The following RABGAP1 variants were observed in gnomAD, a reference collection of about 807,000 sequenced individuals.
RABGAP1 encodes the protein rab GTPase-activating protein 1.
Under a neutral mutation model 137.6 loss-of-function variants are expected in RABGAP1, and 23 were observed. The observed-to-expected ratio is 0.17, with a 90% confidence interval of 0.12 to 0.24. RABGAP1 has a LOEUF of 0.24. Ranked by LOEUF, RABGAP1 falls within the 10% of genes least tolerant of loss-of-function variation. The pLI is 1.00. For missense variants in RABGAP1, 906 were observed against 1,275.8 expected (o/e 0.71, Z 4.42); for synonymous variants, 451 against 450.7 (o/e 1.00, Z -0.01).
Position 123,074,177 on chromosome 9 carries a change from A to G in RABGAP1, c.2110-108A>G, listed in dbSNP as rs977117129. The G allele has an allele frequency of 6.0e-6, 8 of 1,342,994 alleles. No homozygotes were observed. The Admixed American group carries it at 8.9e-5, about 15-fold the overall frequency. The allele number at this position is 1,342,994 out of a possible 1,614,324, so 83.2% of individuals were successfully genotyped here. ...AAGCACTTTGGAGATTTTTAGAAAA[A>G]CACAAGTATTTTACTTTTTTGGCCT... On this transcript the variant is annotated intron_variant, in intron 16 of 25. Transcript: ENST00000373647.
intron 20 of RABGAP1, among the ~76,000 whole-genome samples, 185 bp downstream of exon 20, chr9:123,090,035 C>T (rs1174477429): frequency 6.6e-6 from 1 of 152,184 alleles, no homozygotes; most frequent in Non-Finnish European, 1.5e-5. Context: ...TGTTACAGTT[C>T]AGTGGCTTTT....
chr9:123,097,209 G>C (rs1246497349), intron 21 of RABGAP1, among the ~76,000 whole-genome samples: 1 of 152,196 alleles, frequency 6.6e-6, no homozygotes, highest in African/African-American at 2.4e-5. Flanking sequence ...GACTGGAGTG[G>C]AGAGTGGCCA....
At chr9:123,064,132 A>G (rs2034087944) in intron 13 of RABGAP1, among the ~76,000 whole-genome samples, 2 of 152,246 alleles carry the variant, frequency 1.3e-5, no homozygotes, top group Non-Finnish European at 2.9e-5. Flanking sequence ...ACTTTTGAAG[A>G]TACCTCCAAC....
chr9:123,100,385 G>GTA (rs1401702522), intron 24 of RABGAP1, among the ~76,000 whole-genome samples: 2 of 4,310 alleles, frequency 4.6e-4, no homozygotes, highest in East Asian at 1.9e-3. Context: ...TTAACCAGAT[G>GTA]TGTGTGTGTG....
chr9:123,099,086 T>C (rs2035267218), intron 23 of RABGAP1, among the ~76,000 whole-genome samples: 1 of 152,250 alleles, frequency 6.6e-6, no homozygotes, highest in Admixed American at 6.5e-5. Context: ...TTTTGGTATG[T>C]ATTTCAGATT....
At position 122,947,236 on chromosome 9, in the gene RABGAP1, T is replaced by C. The variant is rs114387484; in HGVS notation, c.-50+6143T>C. On this transcript the variant is annotated intron_variant, in intron 1 of 25. Transcript: ENST00000373647. ...TATACTAAATGAAATAAACCAGTTA[T>C]GAAATGATAAATATTGTGTAATTCC... 9.6e-3 allele frequency among the ~76,000 whole-genome samples: 1,468 copies of C among 152,348 alleles called. 27 individuals carry two copies. The highest frequency in any genetic ancestry group is 0.034 in the African/African-American group (1,396 of 41,580).
chr9:122,933,181 C>G, the RABGAP1 span, among the ~76,000 whole-genome samples: 1 of 152,106 alleles, frequency 6.6e-6, no homozygotes, highest in East Asian at 1.9e-4. Flanking sequence ...GTATTGTAGT[C>G]TCCCACTATT....
At chr9:123,017,052 T>G (rs1210774102) in intron 12 of RABGAP1, among the ~76,000 whole-genome samples, 2 of 152,238 alleles carry the variant, frequency 1.3e-5, no homozygotes, top group East Asian at 3.8e-4. Context: ...TTTTCTTATA[T>G]TTTTGGTATT....
chr9:123,002,386 G>A (rs976861014), intron 10 of RABGAP1, among the ~76,000 whole-genome samples: 2 of 145,908 alleles, frequency 1.4e-5, no homozygotes, highest in Non-Finnish European at 3.0e-5. Context: ...TTTACTTACT[G>A]GCCTGAGAAT....
At position 122,986,413 on chromosome 9, in the gene RABGAP1, T is replaced by C. The variant is rs1048836597; in HGVS notation, c.584T>C (p.Ile195Thr). 6.2e-7 allele frequency: 1 copy of C among 1,613,912 alleles called. No homozygotes were observed. Among genetic ancestry groups the C allele is most frequent in the African/African-American group, 1.3e-5 (1 of 75,046 alleles). ...TLSVPNVSEG[I>T]VRLLDPQTNT... ...TCAGTGCCGAATGTGTCTGAAGGAA[T>C]TGTGAGGTGAGACTGGTTTGTTGAA... Residue 195 changes from isoleucine (I) to threonine (T), a missense_variant, in exon 4 of 26, where the codon ATT becomes ACT. Physicochemically the swap from Ile to Thr is moderately conservative, Grantham distance 89. This residue lies in a region of RABGAP1 where 331 missense variants were observed against 358.3 expected (regional missense o/e 0.92). Coordinates refer to ENST00000373647, the MANE Select transcript of RABGAP1 (RefSeq NM_012197.4).
intron 21 of RABGAP1, among the ~76,000 whole-genome samples, chr9:123,091,156 C>T (rs2035020514): frequency 6.6e-6 from 1 of 152,206 alleles, no homozygotes; most frequent in Non-Finnish European, 1.5e-5. Context: ...CTGGATTTGG[C>T]CCTTGGACTG....
At chr9:123,078,593 CT>C (rs1284916785) in intron 19 of RABGAP1, among the ~76,000 whole-genome samples, 1 of 152,158 alleles carries the variant, frequency 6.6e-6, no homozygotes, top group Non-Finnish European at 1.5e-5. Flanking sequence ...TTCTGAGATT[CT>C]TTGAGTCACT....
At chr9:122,945,287 A>AC (rs1235616436) in intron 1 of RABGAP1, 4 of 151,856 alleles carry the variant, frequency 2.6e-5, no homozygotes, top group Non-Finnish European at 5.9e-5. Context: ...TTACATTGTA[A>AC]CCATTCACGT....
At position 122,990,808 on chromosome 9, in the gene RABGAP1, T is replaced by A. The variant is rs868391503; in HGVS notation, c.923+595T>A. 406 of 90,106 alleles carry A rather than the reference T, an allele frequency of 4.5e-3. 5 individuals carry two copies. In the East Asian group the frequency reaches 0.059, roughly 13 times the overall value. The allele number at this position is 90,106 out of a possible 1,614,324, so 5.6% of individuals were successfully genotyped here. ...AAAAAAAAAAAAAAATATATATATA[T>A]ATATATATATATATATATATATATA... is the stretch of plus-strand genomic sequence containing the variant. On this transcript the variant is annotated intron_variant, in intron 6 of 25. Transcript: ENST00000373647.
chr9:123,004,556 T>G (rs1232336003), intron 10 of RABGAP1, among the ~76,000 whole-genome samples: 1 of 152,158 alleles, frequency 6.6e-6, no homozygotes, highest in Non-Finnish European at 1.5e-5. Context: ...GTGCTGAGAT[T>G]ATAGGCATGA....
chr9:123,068,512 A>G (rs930573123), intron 14 of RABGAP1, among the ~76,000 whole-genome samples: 1 of 152,196 alleles, frequency 6.6e-6, no homozygotes. Context: ...CTGTGTTAGC[A>G]TATATTACTA....
Position 123,089,792 on chromosome 9 carries a change from A to C in RABGAP1, c.2459A>C (p.Glu820Ala). 1.9e-6 allele frequency: 3 copies of C among 1,613,848 alleles called. No individual in the cohort carries two copies. Among genetic ancestry groups the C allele is most frequent in the Non-Finnish European group, 2.5e-6 (3 of 1,179,814 alleles). The change falls in exon 20 of 26, where the codon GAA becomes GCA. Residue 820 changes from glutamate to alanine, a missense_variant. Around this residue, in one of 9 missense-constraint regions of RABGAP1, gnomAD observed 77 missense variants for 105.6 expected, o/e 0.73. Coordinates refer to ENST00000373647, the MANE Select transcript of RABGAP1 (RefSeq NM_012197.4). The part of the protein sequence containing the change: ...SQKKLKKYEK[E>A]YHTMREQQAQ... ...AAGAAGTTGAAAAAATACGAGAAAGAATATCACACCATGAGGGAACAGCAG... is the reference window on the plus strand; with the variant it reads ...AAGAAGTTGAAAAAATACGAGAAAGCATATCACACCATGAGGGAACAGCAG...
At chr9:122,943,072 C>CTTTTTTTT (rs10582436) in intron 1 of RABGAP1, among the ~76,000 whole-genome samples, 8 of 116,224 alleles carry the variant, frequency 6.9e-5, no homozygotes, top group African/African-American at 3.0e-4. Flanking sequence ...GGTGCACTTT[C>CTTTTTTTT]TTTTTTTTTT....
rs552283263 is a variant in RABGAP1, at chr9:123,089,502, G to C, written c.2425-256G>C. On this transcript the variant is annotated intron_variant, in intron 19 of 25. Coordinates refer to ENST00000373647, the MANE Select transcript of RABGAP1 (RefSeq NM_012197.4). ...CCAGAACTTGTAGGAGGAGCCGTCT[G>C]TAGGGTGTTCATTCTAATACTGTCA... 4 of 391,068 alleles carry C rather than the reference G, an allele frequency of 1.0e-5. No homozygotes were observed. The Admixed American group carries it at 1.5e-4, about 15-fold the overall frequency. The allele number at this position is 391,068 out of a possible 1,614,324, so 24.2% of individuals were successfully genotyped here.
Sources: allele counts gnomAD v4.1 joint callset (sites outside exome capture counted in the v4.1 genomes callset), GRCh38; gene constraint gnomAD v4.1.1; regional missense constraint gnomAD v4.1.1; transcripts MANE v1.5; gene names NCBI Gene and HGNC (gene_info 2026-07-23, HGNC 2026-07-21).